The following RAB5B variants were observed in gnomAD, a reference collection of about 807,000 sequenced individuals.
RAB5B encodes the protein RAB5B, member RAS oncogene family, also known as ras-related protein Rab-5B.
A neutral mutation model predicts 28.6 loss-of-function variants in RAB5B; 11 were observed. The ratio of observed to expected loss-of-function variants is 0.38; its 90% CI spans 0.24 to 0.64. RAB5B has a LOEUF of 0.64. RAB5B is among the 30% of genes least tolerant of loss of function. RAB5B has a pLI of 0.53. For missense variants in RAB5B, 169 were observed against 265.6 expected (o/e 0.64, Z 2.53); for synonymous variants, 93 against 97.9 (o/e 0.95, Z 0.29).
chr12:55,983,268 CG>C (rs1889859555), intron 1 of RAB5B, among the ~76,000 whole-genome samples: 1 of 151,940 alleles, frequency 6.6e-6, no homozygotes, highest in Non-Finnish European at 1.5e-5. Context: ...TTAGTAGAGA[CG>C]GGGTTTCACT....
intron 1 of RAB5B, chr12:55,980,335 C>T (rs1889765924): frequency 2.9e-6 from 3 of 1,030,278 alleles, no homozygotes; most frequent in Non-Finnish European, 4.6e-6. Context: ...TCCCTCCAAG[C>T]CCCTCTGCTA....
At chr12:55,990,148 G>C (rs761270860) in intron 3 of RAB5B, 50 bp downstream of exon 3, 13 of 1,554,072 alleles carry the variant, frequency 8.4e-6, no homozygotes, top group Admixed American at 7.6e-5. Context: ...GGTGGCTTAC[G>C]CCTATAATCC....
Position 55,986,853 on chromosome 12 carries a change from CT to C in RAB5B, c.-92-8del, listed in dbSNP as rs762516437. The C allele has an allele frequency of 1.3e-5, 11 of 851,448 alleles. No homozygotes were observed. Among genetic ancestry groups the C allele is most frequent in the East Asian group, 5.4e-5 (2 of 37,164 alleles). The allele number at this position is 851,448 out of a possible 1,614,324, so 52.7% of individuals were successfully genotyped here. On this transcript the variant is annotated splice_polypyrimidine_tract_variant and intron_variant, in intron 1 of 5. Coordinates refer to ENST00000360299, the MANE Select transcript of RAB5B (RefSeq NM_002868.4). ...ATGGACGTATGTTTAATTTTATTCA[CT>C]TTTTTTTCTTGCAGGAGTGTTGAAG...
intron 1 of RAB5B, among the ~76,000 whole-genome samples, chr12:55,975,700 A>G (rs1889625491): frequency 6.6e-6 from 1 of 151,230 alleles, no homozygotes; most frequent in Admixed American, 6.6e-5. Context: ...TAGCCTTCTT[A>G]GTCCCTCATA....
chr12:55,995,461 T>A lies in RAB5B; in HGVS notation c.*3249T>A, dbSNP rs893666159. 6.6e-6 allele frequency: 1 copy of A among 152,224 alleles called. No individual in the cohort carries two copies. Among genetic ancestry groups the A allele is most frequent in the African/African-American group, 2.4e-5 (1 of 41,442 alleles). The allele number at this position is 152,224 out of a possible 1,614,324, so 9.4% of individuals were successfully genotyped here. A position where few individuals can be genotyped will look rare whatever the true frequency, so the allele number is the denominator to read the frequency against. On this transcript the variant is annotated 3_prime_UTR_variant, in exon 6 of 6. Coordinates refer to ENST00000360299, the MANE Select transcript of RAB5B (RefSeq NM_002868.4). ...TCCATGACCCAAAGGTTGAAAAACA[T>A]CACTGAGTTAGTTTTCTTGTAGCTT...
At chr12:55,976,912 C>T (rs918853635) in intron 1 of RAB5B, among the ~76,000 whole-genome samples, 7 of 152,174 alleles carry the variant, frequency 4.6e-5, no homozygotes, top group South Asian at 4.1e-4. Context: ...TTGGAAACCT[C>T]GGTTTTTTCC....
intron 1 of RAB5B, chr12:55,985,607 C>T (rs1889930081): frequency 1.2e-5 from 5 of 428,578 alleles, no homozygotes; most frequent in South Asian, 8.3e-5. Flanking sequence ...CAGCAGCTTT[C>T]TTAGCCCTCT....
rs147801135 is a variant in RAB5B at position 55,990,985 on chromosome 12, A to C, written c.438+181A>C. On this transcript the variant is annotated intron_variant, in intron 4 of 5. Transcript: ENST00000360299. ...ATGACAGCCAGGAGATTTTCAAAGG[A>C]GTCAGGAGAAAACTCCAGAGCAGAG... 23 of 802,024 alleles carry C rather than the reference A, an allele frequency of 2.9e-5. No homozygotes were observed. In the African/African-American group the frequency reaches 4.0e-4, roughly 14 times the overall value. 49.7% of individuals were successfully genotyped at this position (802,024 alleles called of 1,614,324 possible). A position where few individuals can be genotyped will look rare whatever the true frequency, so the allele number is the denominator to read the frequency against.
chr12:55,992,154 G>A lies in RAB5B; in HGVS notation c.590G>A (p.Arg197Gln), dbSNP rs201485586. Reference protein sequence around the residue: ...QNLGGAAGRSRGVDLHEQSQQ... With the variant: ...QNLGGAAGRSQGVDLHEQSQQ... ...CTGGGAGGTGCAGCAGGCCGAAGCC[G>A]GGGTGTGGATCTCCATGAACAGTCC... is the stretch of plus-strand genomic sequence containing the variant. The change falls in exon 6 of 6, where the codon CGG (arginine) becomes CAG (glutamine). Residue 197 changes from arginine (R) to glutamine (Q), a missense_variant. Coordinates refer to ENST00000360299, the MANE Select transcript of RAB5B (RefSeq NM_002868.4). 1.7e-4 allele frequency: 272 copies of A among 1,614,172 alleles called. 5 individuals carry two copies. The South Asian group carries it at 2.1e-3, about 13-fold the overall frequency.
chr12:55,991,131 C>G, intron 4 of RAB5B: 1 of 551,004 alleles, frequency 1.8e-6, no homozygotes. Flanking sequence ...AACTTACCCT[C>G]TCCCCTATAA....
At chr12:55,991,545 CT>C (rs1890122274) in intron 5 of RAB5B, 92 bp downstream of exon 5, 6 of 1,063,910 alleles carry the variant, frequency 5.6e-6, no homozygotes, top group Middle Eastern at 2.1e-4. Context: ...CGAGTATCTC[CT>C]TTTGCAAAAA....
At chr12:55,975,670 A>G (rs936341012) in intron 1 of RAB5B, among the ~76,000 whole-genome samples, 1 of 151,180 alleles carries the variant, frequency 6.6e-6, no homozygotes, top group Non-Finnish European at 1.5e-5. Flanking sequence ...CCTCCTCCCC[A>G]CATATTTTTA....
At chr12:55,975,992 C>T (rs1195983213) in intron 1 of RAB5B, among the ~76,000 whole-genome samples, 3 of 151,938 alleles carry the variant, frequency 2.0e-5, no homozygotes, top group African/African-American at 2.4e-5. Context: ...CCTCATGATC[C>T]GCCCACCTCG....
At chr12:55,986,372 G>A (rs1337477582) in intron 1 of RAB5B, among the ~76,000 whole-genome samples, 3 of 152,236 alleles carry the variant, frequency 2.0e-5, no homozygotes, top group South Asian at 2.1e-4. Context: ...GCTTGAACCC[G>A]GGAGGCAGAG....
intron 1 of RAB5B, among the ~76,000 whole-genome samples, chr12:55,978,712 G>A (rs1397402606): frequency 1.3e-5 from 2 of 151,820 alleles, no homozygotes; most frequent in African/African-American, 4.8e-5. Flanking sequence ...TAGTTTAGCA[G>A]AGCAGACAGA....
chr12:55,995,470 T>G lies in RAB5B; in HGVS notation c.*3258T>G, dbSNP rs1890260401. ...CAAAGGTTGAAAAACATCACTGAGT[T>G]AGTTTTCTTGTAGCTTCCACCTCAA... On this transcript the variant is annotated 3_prime_UTR_variant, in exon 6 of 6. Transcript: ENST00000360299. 6.6e-6 allele frequency: 1 copy of G among 152,206 alleles called. No individual in the cohort carries two copies. The highest frequency in any genetic ancestry group is 2.4e-5 in the African/African-American group (1 of 41,432). The allele number at this position is 152,206 out of a possible 1,614,324, so 9.4% of individuals were successfully genotyped here.
rs556421980 is a variant in RAB5B, at chr12:55,993,610, G to C, written c.*1398G>C. ...GTATGATCTTTATTCCCACTGTACAGTCTGTTCTATCCTCTGCCTCCCATC... is the reference window on the plus strand; with the variant it reads ...GTATGATCTTTATTCCCACTGTACACTCTGTTCTATCCTCTGCCTCCCATC... On this transcript the variant is annotated 3_prime_UTR_variant, in exon 6 of 6. Transcript: ENST00000360299. 1 of 152,602 alleles carries C rather than the reference G, an allele frequency of 6.6e-6. No individual in the cohort carries two copies. 9.5% of individuals were successfully genotyped at this position (152,602 alleles called of 1,614,324 possible). A position where few individuals can be genotyped will look rare whatever the true frequency, so the allele number is the denominator to read the frequency against.
chr12:55,980,619 A>G, intron 1 of RAB5B: 1 of 1,600,424 alleles, frequency 6.2e-7, no homozygotes, highest in Non-Finnish European at 8.6e-7. Flanking sequence ...TCTCGAGCCA[A>G]CTTATCGGCC....
At chr12:55,980,543 G>C (rs2136474585) in intron 1 of RAB5B, 2 of 1,590,612 alleles carry the variant, frequency 1.3e-6, no homozygotes, top group African/African-American at 2.7e-5. Context: ...CCGGGCCAGG[G>C]AACTAAAAGC....
Sources: gnomAD v4.1 joint callset for allele counts (sites outside exome capture counted in the v4.1 genomes callset) on GRCh38, gnomAD v4.1.1 for gene constraint, MANE v1.5 for transcripts, NCBI Gene and HGNC (gene_info 2026-07-23, HGNC 2026-07-21) for gene names.